The following MYO16 variants were observed in gnomAD, a reference collection of about 807,000 sequenced individuals.
MYO16 encodes the protein myosin XVI.
Under a neutral mutation model 205.3 loss-of-function variants are expected in MYO16, and 94 were observed. That is an observed-to-expected ratio of 0.46 (90% CI 0.39 to 0.54). MYO16 has a LOEUF of 0.54. Among genes scored for constraint, MYO16 ranks in the 20% least tolerant of loss-of-function variants. MYO16 has a pLI of 0.00. For synonymous variants in MYO16, 988 were observed against 954.0 expected (o/e 1.04, Z -0.66); for missense variants, 2,315 against 2,387.5 (o/e 0.97, Z 0.63).
chr13:109,179,215 G>A (rs565620385), intron 33 of MYO16, among the ~76,000 whole-genome samples: 17 of 152,198 alleles, frequency 1.1e-4, no homozygotes, highest in Admixed American at 5.9e-4. Context: ...CACTGACCCC[G>A]TATGCTTCTT....
intron 32 of MYO16, among the ~76,000 whole-genome samples, chr13:109,142,236 C>T (rs893133264): frequency 5.9e-5 from 9 of 152,196 alleles, no homozygotes; most frequent in African/African-American, 2.2e-4. Flanking sequence ...CAAAGAATGT[C>T]TTCCTCTTCC....
At chr13:109,026,863 A>G (rs1446644070) in intron 23 of MYO16, among the ~76,000 whole-genome samples, 1 of 152,164 alleles carries the variant, frequency 6.6e-6, no homozygotes, top group Non-Finnish European at 1.5e-5. Flanking sequence ...CAGTTTACAA[A>G]GTACTTCTGT....
chr13:108,886,141 T>C (rs1041534940), intron 13 of MYO16, among the ~76,000 whole-genome samples: 28 of 151,986 alleles, frequency 1.8e-4, no homozygotes, highest in Non-Finnish European at 2.6e-4. Flanking sequence ...GCGCCCGCCA[T>C]CACGCCCGGC....
At position 108,820,199 on chromosome 13, in the gene MYO16, G is replaced by A. The variant is rs193163990; in HGVS notation, c.868-138G>A. 4 of 585,432 alleles carry A rather than the reference G, an allele frequency of 6.8e-6. No individual in the cohort carries two copies. The East Asian group carries it at 9.0e-5, about 13-fold the overall frequency. The allele number at this position is 585,432 out of a possible 1,614,324, so 36.3% of individuals were successfully genotyped here. A position where few individuals can be genotyped will look rare whatever the true frequency, so the allele number is the denominator to read the frequency against. On this transcript the variant is annotated intron_variant, in intron 7 of 34. Transcript: ENST00000457511. ...TTTTTAGAAAAGGCACTGGGAAAGG[G>A]GACAGGAAGGACTTCTGAGTGGGAA...
chr13:108,605,572 T>G (rs1027745006), intron 1 of MYO16, among the ~76,000 whole-genome samples: 1 of 152,204 alleles, frequency 6.6e-6, no homozygotes, highest in African/African-American at 2.4e-5. Flanking sequence ...CTATTTCTCC[T>G]TCACTTTACA....
At chr13:108,610,107 T>G (rs1879117338) in intron 1 of MYO16, among the ~76,000 whole-genome samples, 2 of 152,204 alleles carry the variant, frequency 1.3e-5, no homozygotes, top group Admixed American at 1.3e-4. Context: ...GGCTTACTCT[T>G]TCTTCAACCT....
intron 24 of MYO16, among the ~76,000 whole-genome samples, chr13:109,049,570 AT>A (rs1043150110): frequency 9.2e-5 from 12 of 130,424 alleles, no homozygotes; most frequent in African/African-American, 3.3e-4. Context: ...TAAATCTTTT[AT>A]TTTTCTTTTT....
chr13:108,866,482 TAGAC>T (rs1055069133), intron 12 of MYO16, among the ~76,000 whole-genome samples: 1 of 152,244 alleles, frequency 6.6e-6, no homozygotes, highest in Non-Finnish European at 1.5e-5. Context: ...CTATAGCCAT[TAGAC>T]AGACTTCTAA....
intron 1 of MYO16, among the ~76,000 whole-genome samples, 188 bp downstream of exon 1, chr13:108,630,060 C>T (rs914779156): frequency 2.0e-5 from 3 of 150,868 alleles, no homozygotes; most frequent in Non-Finnish European, 4.4e-5. Context: ...GAAATAATTC[C>T]AGTGTGATCC....
intron 6 of MYO16, among the ~76,000 whole-genome samples, chr13:108,799,651 C>A: frequency 6.6e-6 from 1 of 152,150 alleles, no homozygotes; most frequent in East Asian, 1.9e-4. Flanking sequence ...CAAGTTTTCA[C>A]CCCCAGCCCC....
At chr13:108,608,869 C>T (rs368735624) in intron 1 of MYO16, among the ~76,000 whole-genome samples, 7 of 152,158 alleles carry the variant, frequency 4.6e-5, no homozygotes, top group Admixed American at 4.6e-4. Context: ...GTCCCAAACA[C>T]CCGACCTCAG....
rs142958007 is a variant in MYO16 at position 109,015,056 on chromosome 13, G to C, written c.2596-4655G>C. Among the ~76,000 whole-genome samples, 1,511 of 152,302 alleles carry C rather than the reference G, an allele frequency of 9.9e-3. 44 individuals are homozygous for C. Among genetic ancestry groups the C allele is most frequent in the Admixed American group, 0.04 (618 of 15,304 alleles). ...TCTCGTGCCAGTTTGCAAAGGGAAC[G>C]CTTCCAGTTATTGCCCATTCAGTAT... On this transcript the variant is annotated intron_variant, in intron 22 of 34. Coordinates refer to ENST00000457511, the MANE Select transcript of MYO16 (RefSeq NM_001198950.3).
intron 4 of MYO16, among the ~76,000 whole-genome samples, chr13:108,734,747 T>G (rs1338687139): frequency 1.3e-5 from 2 of 152,216 alleles, no homozygotes; most frequent in Non-Finnish European, 2.9e-5. Context: ...TCATCTCAGC[T>G]GCTGAGAAGA....
chr13:108,642,025 A>C (rs1880526176), intron 1 of MYO16, among the ~76,000 whole-genome samples: 1 of 152,130 alleles, frequency 6.6e-6, no homozygotes, highest in Non-Finnish European at 1.5e-5. Flanking sequence ...GCTACTTTGC[A>C]ATTTTTATCA....
At chr13:108,724,398 G>A (rs1014448393) in intron 3 of MYO16, among the ~76,000 whole-genome samples, 14 of 152,168 alleles carry the variant, frequency 9.2e-5, no homozygotes, top group African/African-American at 3.4e-4. Flanking sequence ...AGTGGAAGGG[G>A]TGGAAGTTTT....
intron 21 of MYO16, among the ~76,000 whole-genome samples, chr13:108,997,358 GA>G (rs1566452329): frequency 3.0e-3 from 13 of 4,374 alleles, no homozygotes; most frequent in East Asian, 0.045. Context: ...GAGAGAGAGA[GA>G]GAGAGAGAGA....
At chr13:109,049,030 G>GTGCCTAAGATTA (rs370139844) in intron 24 of MYO16, 1 of 145,110 alleles carries the variant, frequency 6.9e-6, no homozygotes, top group African/African-American at 2.5e-5. Context: ...GAAAATTTTA[G>GTGCCTAAGATTA]GATTTAGGAA....
At chr13:108,921,653 TAG>T (rs1274744316) in intron 16 of MYO16, among the ~76,000 whole-genome samples, 1 of 152,258 alleles carries the variant, frequency 6.6e-6, no homozygotes, top group Non-Finnish European at 1.5e-5. Context: ...TGCAGCCATT[TAG>T]AGAGATTATA....
rs1311409453 is a variant in MYO16 at position 108,910,007 on chromosome 13, A to G, written c.1782A>G (p.Arg594=). The G allele has an allele frequency of 2.5e-6, 4 of 1,612,206 alleles. No individual in the cohort carries two copies. Among genetic ancestry groups the G allele is most frequent in the Non-Finnish European group, 3.4e-6 (4 of 1,179,190 alleles). The change falls in exon 16 of 35, where the codon AGA becomes AGG. Residue 594 remains arginine, a synonymous_variant. Transcript: ENST00000457511. ...CERKQQLTGA[R]IYTYLLEKSR... is the part of the protein sequence containing the mutation. ...CACTTTTCTTTTCCCAACCAGCCAG[A>G]ATTTATACATATTTGCTAGAGAAAT...
Sources: allele counts gnomAD v4.1 joint callset (sites outside exome capture counted in the v4.1 genomes callset), GRCh38; gene constraint gnomAD v4.1.1; transcripts MANE v1.5; gene names NCBI Gene and HGNC (gene_info 2026-07-23, HGNC 2026-07-21).